SYBU: variants seen among roughly 807,000 people sequenced by gnomAD.
SYBU encodes GOLSYN A protein.
Under a neutral mutation model 35.9 loss-of-function variants are expected in SYBU, and 21 were observed. That is an observed-to-expected ratio of 0.58 (90% confidence interval 0.41 to 0.84). The LOEUF is 0.84. SYBU is among the 40% of genes least tolerant of loss of function. The pLI, the probability that SYBU is intolerant of heterozygous loss-of-function variation, is 0.00. For missense variants in SYBU, 768 were observed against 848.2 expected (o/e 0.91, Z 1.17); for synonymous variants, 319 against 324.3 (o/e 0.98, Z 0.18).
chr8:109,603,728 A>G (rs1384149824), intron 3 of SYBU, among the ~76,000 whole-genome samples: 2 of 152,248 alleles, frequency 1.3e-5, no homozygotes, highest in East Asian at 3.8e-4. Context: ...TGGAAACAGT[A>G]GTTTTGAAAA....
chr8:109,636,862 A>G (rs1342999608), intron 2 of SYBU, among the ~76,000 whole-genome samples: 2 of 152,222 alleles, frequency 1.3e-5, no homozygotes, highest in African/African-American at 4.8e-5. Context: ...TATTATGGCT[A>G]AGACTAATGA....
At chr8:109,642,384 TG>T (rs1211145918) in intron 2 of SYBU, among the ~76,000 whole-genome samples, 2 of 152,124 alleles carry the variant, frequency 1.3e-5, no homozygotes, top group Non-Finnish European at 2.9e-5. Context: ...CCATGGCATG[TG>T]TATACTTATG....
chr8:109,614,159 T>G (rs1811486112), intron 3 of SYBU, among the ~76,000 whole-genome samples: 1 of 152,224 alleles, frequency 6.6e-6, no homozygotes. Flanking sequence ...GTTTAAATTG[T>G]GTAATGGTTT....
At chr8:109,645,042 G>A (rs1045967170), upstream of SYBU, 1 of 502,142 alleles carries the variant, frequency 2.0e-6, no homozygotes, top group South Asian at 1.6e-5. Flanking sequence ...TCGGCCCGGT[G>A]TAGGCAGGCT....
chr8:109,650,514 G>A lies in SYBU; in HGVS notation c.-129+30197C>T, dbSNP rs374529589. On this transcript the variant is annotated intron_variant, in intron 1 of 5. Coordinates refer to the SYBU transcript ENST00000408889. ...TACAGCAGGGAATGGTTGGGCTGTT[G>A]GTGTGGGGGTCACTGGTGCAGTTGT... Among the ~76,000 whole-genome samples the A allele has an allele frequency of 3.4e-4, 52 of 152,272 alleles. No homozygotes were observed. The East Asian group carries it at 9.4e-3, about 28-fold the overall frequency.
intron 2 of SYBU, among the ~76,000 whole-genome samples, chr8:109,630,717 C>A (rs932134665): frequency 1.7e-4 from 26 of 152,172 alleles, no homozygotes; most frequent in African/African-American, 6.0e-4. Flanking sequence ...GGGGTGAAAT[C>A]AAGAATTCTG....
intron 3 of SYBU, among the ~76,000 whole-genome samples, chr8:109,600,414 C>T (rs754764670): frequency 9.9e-5 from 15 of 152,280 alleles, no homozygotes; most frequent in African/African-American, 3.6e-4. Context: ...TACCAGCATG[C>T]AAAAACCACG....
chr8:109,607,999 A>G, intron 3 of SYBU: 1 of 1,528,022 alleles, frequency 6.5e-7, no homozygotes, highest in Non-Finnish European at 8.8e-7. Flanking sequence ...TTTTGCAGAA[A>G]TACAGTGTGT....
intron 3 of SYBU, among the ~76,000 whole-genome samples, chr8:109,612,927 C>G (rs1417195918): frequency 6.8e-6 from 1 of 146,916 alleles, no homozygotes; most frequent in Non-Finnish European, 1.5e-5. Flanking sequence ...TTGCAGTGAG[C>G]TGAGACTGCG....
chr8:109,685,623 T>A (rs1817503363), upstream of SYBU, among the ~76,000 whole-genome samples: 1 of 152,234 alleles, frequency 6.6e-6, no homozygotes, highest in African/African-American at 2.4e-5. Flanking sequence ...TTAAGGTTTC[T>A]CAGGGGCAAG....
At chr8:109,648,349 TA>T (rs1179308053), upstream of SYBU, among the ~76,000 whole-genome samples, 2 of 150,078 alleles carry the variant, frequency 1.3e-5, no homozygotes, top group African/African-American at 4.9e-5. Context: ...GTAATGTCTT[TA>T]TATAATTATT....
At position 109,691,055 on chromosome 8, in the gene SYBU, A is replaced by G. The variant is rs190585397; in HGVS notation, c.-58+278T>C. Among the ~76,000 whole-genome samples, 566 of 152,328 alleles carry G rather than the reference A, an allele frequency of 3.7e-3. 4 individuals carry two copies. The highest frequency in any genetic ancestry group is 6.8e-3 in the Middle Eastern group (2 of 294). ...AGCCTGGCTAATCTTGCTCGTTGCA[A>G]CAAGGAGTCCAGCCCGACCGTCTCA... On this transcript the variant is annotated intron_variant, in intron 1 of 7. Coordinates refer to the SYBU transcript ENST00000422135. This position sits in a 1 kb window ranked among gnomAD's most constrained non-coding sequence, Gnocchi z 4.7.
rs371277811 is a variant in SYBU at position 109,632,717 on chromosome 8, A to G, written c.229+10011T>C. 2.0e-4 allele frequency among the ~76,000 whole-genome samples: 31 copies of G among 152,350 alleles called. No homozygotes were observed. The South Asian group carries it at 5.6e-3, about 28-fold the overall frequency. ...TAGTCTAATTCCAGTGACATTCATA[A>G]TACAAAATTCTAAATTATGAAATTT... On this transcript the variant is annotated intron_variant, in intron 2 of 6. Transcript: ENST00000276646.
At position 109,576,480 on chromosome 8, in the gene SYBU, C is replaced by T. The variant is rs1360393894; in HGVS notation, c.885-467G>A. Among the ~76,000 whole-genome samples, 6 of 152,158 alleles carry T rather than the reference C, an allele frequency of 3.9e-5. No individual in the cohort carries two copies. In the East Asian group the frequency reaches 1.2e-3, roughly 29 times the overall value. On this transcript the variant is annotated intron_variant, in intron 6 of 6. Coordinates refer to ENST00000276646, the MANE Select transcript of SYBU (RefSeq NM_001099754.2). ...TTTTATCTCCATATCCTACCCTTTC[C>T]AAATGTCTATAGTTTGTGGAAGGCC...
At chr8:109,667,071 T>C (rs1203422908) in intron 1 of SYBU, among the ~76,000 whole-genome samples, 4 of 152,196 alleles carry the variant, frequency 2.6e-5, no homozygotes, top group Non-Finnish European at 5.9e-5. Flanking sequence ...CTAACTTAGA[T>C]ATATTTCAAG....
chr8:109,650,329 G>T (rs1453438661), intron 1 of SYBU, among the ~76,000 whole-genome samples: 2 of 152,112 alleles, frequency 1.3e-5, no homozygotes, highest in African/African-American at 4.8e-5. Context: ...CCACTTTCTA[G>T]TAAACATCTT....
At chr8:109,614,582 C>T (rs374481429) in intron 3 of SYBU, among the ~76,000 whole-genome samples, 45 of 152,244 alleles carry the variant, frequency 3.0e-4, no homozygotes, top group Admixed American at 5.9e-4. Flanking sequence ...AACTTCCCCA[C>T]GCTCCTCCCA....
In SYBU at chr8:109,668,165, G is replaced by GGAGAGAGAGAAAGGGGAGAGA. The variant is rs1338581968; in HGVS notation, c.-129+12545_-129+12546insTCTCTCCCCTTTCTCTCTCTC. On this transcript the variant is annotated intron_variant, in intron 1 of 5. Coordinates refer to the SYBU transcript ENST00000408889. Reference sequence around the variant, plus strand: ...GAAGAAGAGGCAGAGGGGGAGAGGGGGAGAGAGAGAGAGAGAGAGAGAGAG... The same window carrying GGAGAGAGAGAAAGGGGAGAGA: ...GAAGAAGAGGCAGAGGGGGAGAGGGGGAGAGAGAGAAAGGGGAGAGAGAGAGAGAGAGAGAGAGAGAGAGAG... 9.6e-3 allele frequency among the ~76,000 whole-genome samples: 858 copies of GGAGAGAGAGAAAGGGGAGAGA among 88,970 alleles called. 81 individuals are homozygous for GGAGAGAGAGAAAGGGGAGAGA. Among genetic ancestry groups the GGAGAGAGAGAAAGGGGAGAGA allele is most frequent in the East Asian group, 0.021 (60 of 2,908 alleles). The allele number at this position is 88,970 out of a possible 152,430, so 58.4% of individuals were successfully genotyped here. A position where few individuals can be genotyped will look rare whatever the true frequency, so the allele number is the denominator to read the frequency against.
At chr8:109,658,420 A>G (rs1391242585) in intron 1 of SYBU, among the ~76,000 whole-genome samples, 2 of 152,234 alleles carry the variant, frequency 1.3e-5, no homozygotes, top group African/African-American at 4.8e-5. Flanking sequence ...GGGATGTTCA[A>G]TATAAGTTAT....
Sources: allele counts gnomAD v4.1 joint callset (sites outside exome capture counted in the v4.1 genomes callset), GRCh38; gene constraint gnomAD v4.1.1; non-coding constraint Gnocchi (gnomAD v3.1); transcripts MANE v1.5; gene names NCBI Gene and HGNC (gene_info 2026-07-23, HGNC 2026-07-21).